Variants in SIK3 observed in about 807,000 individuals in gnomAD.
The protein encoded by SIK3 is SIK family kinase 3, also known as serine/threonine-protein kinase SIK3.
SIK3 carries 28 observed loss-of-function variants against 144.2 expected under a neutral mutation model. That is an observed-to-expected ratio of 0.19 (90% CI 0.14 to 0.27). SIK3 has a LOEUF of 0.27. Ranked by LOEUF, SIK3 falls within the 10% of genes least tolerant of loss-of-function variation. The pLI is 1.00. For missense variants in SIK3, 1,319 were observed against 1,776.0 expected (o/e 0.74, Z 4.62); for synonymous variants, 686 against 676.3 (o/e 1.01, Z -0.22).
chr11:116,847,737 C>T (rs1942095229), intron 22 of SIK3, 129 bp from the exon 23 acceptor site: 1 of 1,054,724 alleles, frequency 9.5e-7, no homozygotes, highest in Non-Finnish European at 1.4e-6. Context: ...AGACTCCTTC[C>T]TCTAAAGCAC....
At chr11:116,998,788 T>C (rs888804913) in intron 1 of SIK3, among the ~76,000 whole-genome samples, 3 of 152,240 alleles carry the variant, frequency 2.0e-5, no homozygotes, top group African/African-American at 7.2e-5. Context: ...CTGAAATTTT[T>C]AGAGCCACAG....
intron 1 of SIK3, among the ~76,000 whole-genome samples, chr11:117,072,823 G>A (rs1016872554): frequency 6.6e-6 from 1 of 152,176 alleles, no homozygotes; most frequent in African/African-American, 2.4e-5. Flanking sequence ...TCCCTACAAT[G>A]GTGGCTGAAA....
At chr11:117,014,584 A>G (rs989519756) in intron 1 of SIK3, among the ~76,000 whole-genome samples, 19 of 147,906 alleles carry the variant, frequency 1.3e-4, no homozygotes, top group Admixed American at 9.0e-4. Context: ...AATAAAAAAA[A>G]GGGGGGCTCA....
chr11:116,966,874 G>T (rs910481302), intron 1 of SIK3, among the ~76,000 whole-genome samples: 1 of 151,708 alleles, frequency 6.6e-6, no homozygotes, highest in East Asian at 1.9e-4. Flanking sequence ...GCATGGTGGC[G>T]TGGGCCTGTA....
chr11:116,954,831 T>G (rs1949079750), intron 2 of SIK3, among the ~76,000 whole-genome samples: 1 of 152,154 alleles, frequency 6.6e-6, no homozygotes, highest in South Asian at 2.1e-4. Flanking sequence ...CTCTTCCCAA[T>G]CTCCTCCATC....
At chr11:117,006,442 G>C (rs1351684857) in intron 1 of SIK3, among the ~76,000 whole-genome samples, 2 of 150,668 alleles carry the variant, frequency 1.3e-5, no homozygotes, top group African/African-American at 2.5e-5. Flanking sequence ...CAAAACAAAG[G>C]ATCCTTCTAT....
chr11:117,030,417 G>A (rs1952207118), intron 1 of SIK3, among the ~76,000 whole-genome samples: 1 of 152,098 alleles, frequency 6.6e-6, no homozygotes, highest in Admixed American at 6.5e-5. Flanking sequence ...AAGATTATGA[G>A]CCATTTAAAA....
At chr11:116,873,367 G>T in intron 13 of SIK3, 114 bp downstream of exon 13, 1 of 1,414,084 alleles carries the variant, frequency 7.1e-7, no homozygotes, top group Non-Finnish European at 9.8e-7. Context: ...TCCTAAGTTT[G>T]GAGAAAAAGG....
At chr11:116,898,234 T>C (rs1170138600) in intron 4 of SIK3, among the ~76,000 whole-genome samples, 1 of 152,132 alleles carries the variant, frequency 6.6e-6, no homozygotes, top group South Asian at 2.1e-4. Flanking sequence ...GTTTGGTTTT[T>C]TGTTCTTGCG....
At chr11:116,968,390 C>G (rs1302345343) in intron 1 of SIK3, among the ~76,000 whole-genome samples, 18 of 152,204 alleles carry the variant, frequency 1.2e-4, no homozygotes, top group Non-Finnish European at 2.6e-4. Context: ...GATCCACACA[C>G]CTTGGCCTCC....
intron 1 of SIK3, among the ~76,000 whole-genome samples, chr11:117,062,647 G>GA (rs61667541): frequency 0.056 from 8,430 of 150,630 alleles, 297 homozygotes; most frequent in South Asian, 0.11. Context: ...CTCTAAACTG[G>GA]AAAAAAAAAA....
Position 116,844,607 on chromosome 11 carries a change from A to T in SIK3, c.*1036T>A, listed in dbSNP as rs1832935668. ...ATATATATATATATTTTATATATAT[A>T]TTATATATATAATATATATATAATA... On this transcript the variant is annotated 3_prime_UTR_variant, in exon 25 of 25. Transcript: ENST00000445177. The T allele has an allele frequency of 1.6e-5, 1 of 61,656 alleles. No homozygotes were observed. Among genetic ancestry groups the T allele is most frequent in the African/African-American group, 7.4e-5 (1 of 13,494 alleles). The allele number at this position is 61,656 out of a possible 1,614,324, so 3.8% of individuals were successfully genotyped here. A position where few individuals can be genotyped will look rare whatever the true frequency, so the allele number is the denominator to read the frequency against.
At chr11:117,017,601 A>G (rs1455909156) in intron 1 of SIK3, among the ~76,000 whole-genome samples, 1 of 152,210 alleles carries the variant, frequency 6.6e-6, no homozygotes, top group Non-Finnish European at 1.5e-5. Flanking sequence ...GTGAGTATGA[A>G]GAAGTCACAC....
intron 1 of SIK3, among the ~76,000 whole-genome samples, chr11:116,964,111 C>G (rs1444763356): frequency 6.6e-6 from 1 of 152,150 alleles, no homozygotes; most frequent in Non-Finnish European, 1.5e-5. Context: ...TGGGCTGAAG[C>G]CATTCTCTCA....
rs897469830 is a variant in SIK3, at chr11:116,998,465, C to A, written c.274-41401G>T. 4.0e-5 allele frequency among the ~76,000 whole-genome samples: 3 copies of A among 75,548 alleles called. No homozygotes were observed. In the South Asian group the frequency reaches 1.1e-3, roughly 27 times the overall value. The allele number at this position is 75,548 out of a possible 152,430, so 49.6% of individuals were successfully genotyped here. On this transcript the variant is annotated intron_variant, in intron 1 of 24. Transcript: ENST00000445177. Reference sequence around the variant, plus strand: ...CAGCATGGGCGAAAGAACAAGACTCCGTCTTAAAAAAAAAAAAAAAAAAAA... The same window carrying A: ...CAGCATGGGCGAAAGAACAAGACTCAGTCTTAAAAAAAAAAAAAAAAAAAA...
chr11:117,011,792 C>A (rs184454447), intron 1 of SIK3, among the ~76,000 whole-genome samples: 1 of 152,114 alleles, frequency 6.6e-6, no homozygotes, highest in Non-Finnish European at 1.5e-5. Context: ...CCAGCCTGGA[C>A]AACACAGCAA....
At chr11:117,062,387 T>C (rs894380665) in intron 1 of SIK3, among the ~76,000 whole-genome samples, 1 of 152,122 alleles carries the variant, frequency 6.6e-6, no homozygotes, top group Non-Finnish European at 1.5e-5. Context: ...AATTTTGTCC[T>C]CCCCAAATGG....
At chr11:116,907,113 C>T (rs1187759160) in intron 4 of SIK3, among the ~76,000 whole-genome samples, 1 of 152,154 alleles carries the variant, frequency 6.6e-6, no homozygotes, top group Non-Finnish European at 1.5e-5. Context: ...GAGTGCTGCG[C>T]TACAGCACCT....
chr11:116,889,260 T>C (rs936350987), intron 6 of SIK3, among the ~76,000 whole-genome samples: 24 of 152,190 alleles, frequency 1.6e-4, no homozygotes, highest in African/African-American at 5.5e-4. Context: ...TCAAATTAGA[T>C]TAAGTAAAAG....
Sources: allele counts gnomAD v4.1 joint callset (sites outside exome capture counted in the v4.1 genomes callset), GRCh38; gene constraint gnomAD v4.1.1; transcripts MANE v1.5; gene names NCBI Gene and HGNC (gene_info 2026-07-23, HGNC 2026-07-21).